ANKRD44: variants seen among roughly 807,000 people sequenced by gnomAD.
ANKRD44 encodes serine/threonine-protein phosphatase 6 regulatory ankyrin repeat subunit B.
ANKRD44 carries 35 observed loss-of-function variants against 116.0 expected under a neutral mutation model. The ratio of observed to expected loss-of-function variants is 0.30; its 90% confidence interval spans 0.23 to 0.40. ANKRD44 has a LOEUF of 0.40. ANKRD44 is among the 10% of genes least tolerant of loss of function. ANKRD44 has a pLI of 1.00. For missense variants in ANKRD44, 1,014 were observed against 1,242.6 expected (o/e 0.82, Z 2.77); for synonymous variants, 435 against 461.8 (o/e 0.94, Z 0.74).
At chr2:197,310,244 C>CGCGGT (rs1380806058) in intron 1 of ANKRD44, among the ~76,000 whole-genome samples, 6 of 151,176 alleles carry the variant, frequency 4.0e-5, no homozygotes, top group Admixed American at 6.6e-5. Flanking sequence ...CGCAACGCGG[C>CGCGGT]GCGGTGCGAG....
Position 197,186,612 on chromosome 2 carries a change from C to CTTTTTTTTTTTTTTTTT in ANKRD44, c.111+394_111+410dup, listed in dbSNP as rs149107038. ...CCATCACTATGCCCGGCTAATTTTT[C>CTTTTTTTTTTTTTTTTT]TTTTTTTTTTTTTTTTTTTTTTTTT... On this transcript the variant is annotated intron_variant, in intron 2 of 27. Coordinates refer to ENST00000282272, the MANE Select transcript of ANKRD44 (RefSeq NM_001195144.2). 8.7e-4 allele frequency among the ~76,000 whole-genome samples: 44 copies of CTTTTTTTTTTTTTTTTT among 50,806 alleles called. 5 individuals are homozygous for CTTTTTTTTTTTTTTTTT. The highest frequency in any genetic ancestry group is 1.6e-3 in the South Asian group (1 of 624). 33.3% of individuals were successfully genotyped at this position (50,806 alleles called of 152,430 possible). A position where few individuals can be genotyped will look rare whatever the true frequency, so the allele number is the denominator to read the frequency against.
intron 10 of ANKRD44, among the ~76,000 whole-genome samples, chr2:197,096,961 A>G (rs1008443040): frequency 3.9e-5 from 6 of 152,330 alleles, no homozygotes; most frequent in African/African-American, 1.4e-4. Flanking sequence ...ATCCCCAGAT[A>G]GTTGTGACAA....
intron 1 of ANKRD44, among the ~76,000 whole-genome samples, chr2:197,211,466 G>A (rs1368050047): frequency 6.6e-6 from 1 of 152,150 alleles, no homozygotes. Context: ...GAAGACAAGA[G>A]TGAACGTCTT....
intron 4 of ANKRD44, among the ~76,000 whole-genome samples, chr2:197,129,742 A>T (rs556404210): frequency 6.6e-6 from 1 of 152,332 alleles, no homozygotes; most frequent in South Asian, 2.1e-4. Flanking sequence ...TGGCACATGG[A>T]AAAGATGAGA....
At chr2:197,045,000 C>T (rs192974867) in intron 16 of ANKRD44, among the ~76,000 whole-genome samples, 47 of 152,004 alleles carry the variant, frequency 3.1e-4, no homozygotes, top group South Asian at 1.0e-3. Context: ...TAAATATTAA[C>T]GGTGGATTTT....
intron 1 of ANKRD44, among the ~76,000 whole-genome samples, chr2:197,301,720 A>G (rs924676017): frequency 1.3e-5 from 2 of 152,240 alleles, no homozygotes; most frequent in Admixed American, 6.5e-5. Context: ...TTTATATTCA[A>G]TCACTTAACA....
chr2:196,986,812 CAA>C lies in ANKRD44; in HGVS notation c.*2777_*2778del, dbSNP rs777492454. The C allele has an allele frequency of 5.9e-4, 586 of 985,400 alleles. No homozygotes were observed. Among genetic ancestry groups the C allele is most frequent in the Non-Finnish European group, 6.5e-4 (538 of 829,908 alleles). 61.0% of individuals were successfully genotyped at this position (985,400 alleles called of 1,614,324 possible). On this transcript the variant is annotated 3_prime_UTR_variant, in exon 28 of 28. Transcript: ENST00000282272. ...GTGCTTGAGAAGATTCAGATTGTTT[CAA>C]AGTCATTCACTGAACTAAAAGTCAT...
chr2:197,098,667 C>T (rs990122016), intron 10 of ANKRD44, among the ~76,000 whole-genome samples: 4 of 152,150 alleles, frequency 2.6e-5, no homozygotes, highest in Non-Finnish European at 5.9e-5. Flanking sequence ...GAGCTTTTAA[C>T]ATGCGTTATC....
intron 17 of ANKRD44, among the ~76,000 whole-genome samples, chr2:197,019,063 CTT>C (rs1308473854): frequency 6.6e-6 from 1 of 152,144 alleles, no homozygotes; most frequent in Non-Finnish European, 1.5e-5. Context: ...ACAAAATTCT[CTT>C]GTCTCTATGT....
At chr2:197,226,197 A>C (rs1190543823) in intron 1 of ANKRD44, among the ~76,000 whole-genome samples, 1 of 152,226 alleles carries the variant, frequency 6.6e-6, no homozygotes, top group Non-Finnish European at 1.5e-5. Context: ...TTTAAAATAG[A>C]ATGTTAGAAC....
At chr2:197,185,289 C>A (rs1006017472) in intron 2 of ANKRD44, among the ~76,000 whole-genome samples, 1 of 152,200 alleles carries the variant, frequency 6.6e-6, no homozygotes, top group Non-Finnish European at 1.5e-5. Context: ...GTGCTTAGTG[C>A]CAGCTGGGGA....
At chr2:197,279,430 G>A (rs550137070) in intron 1 of ANKRD44, among the ~76,000 whole-genome samples, 26 of 152,192 alleles carry the variant, frequency 1.7e-4, no homozygotes, top group Admixed American at 3.9e-4. Flanking sequence ...ATCAAAAGTC[G>A]TCATGGCTCC....
At chr2:197,214,739 C>T (rs1197076682) in intron 1 of ANKRD44, among the ~76,000 whole-genome samples, 2 of 152,188 alleles carry the variant, frequency 1.3e-5, no homozygotes, top group Non-Finnish European at 2.9e-5. Flanking sequence ...AATTAGAACA[C>T]AGAAGCCTGC....
At chr2:197,276,244 C>T (rs2083079089) in intron 1 of ANKRD44, among the ~76,000 whole-genome samples, 1 of 135,094 alleles carries the variant, frequency 7.4e-6, no homozygotes, top group Admixed American at 8.5e-5. Context: ...CACCGCACTC[C>T]AGCATGAGCA....
Position 196,989,501 on chromosome 2 carries a change from T to C in ANKRD44, c.*90A>G, listed in dbSNP as rs577297571. On this transcript the variant is annotated 3_prime_UTR_variant, in exon 28 of 28. Coordinates refer to ENST00000282272, the MANE Select transcript of ANKRD44 (RefSeq NM_001195144.2). ...ATTTTGGTCCTCATGTGTAGCTGGC[T>C]GATGAACTACACACACACACACATA... The C allele has an allele frequency of 1.4e-4, 194 of 1,370,492 alleles. No individual in the cohort carries two copies. In the East Asian group the frequency reaches 4.2e-3, roughly 30 times the overall value. The allele number at this position is 1,370,492 out of a possible 1,614,324, so 84.9% of individuals were successfully genotyped here.
rs1198452671 is a variant in ANKRD44, at chr2:197,219,668, G to A, written c.28-32562C>T. ...GACGGGACCCCAATGAAAGGTTCCC[G>A]AGGACAATCATGGTCTGCAAAGTGC... On this transcript the variant is annotated intron_variant, in intron 1 of 27. Coordinates refer to ENST00000282272, the MANE Select transcript of ANKRD44 (RefSeq NM_001195144.2). Among the ~76,000 whole-genome samples, 8 of 152,294 alleles carry A rather than the reference G, an allele frequency of 5.3e-5. No individual in the cohort carries two copies. In the South Asian group the frequency reaches 1.0e-3, roughly 20 times the overall value.
rs369863185 is a variant in ANKRD44 at position 197,212,818 on chromosome 2, C to T, written c.28-25712G>A. On this transcript the variant is annotated intron_variant, in intron 1 of 27. Transcript: ENST00000282272. This position sits in a 1 kb window ranked among gnomAD's most constrained non-coding sequence, Gnocchi z 4.8. ...CAAACACACACTTCAATCAGGAACT[C>T]GGTGATCACATGCCCACGGTGAGAG... is the stretch of plus-strand genomic sequence containing the variant. Among the ~76,000 whole-genome samples the T allele has an allele frequency of 4.6e-5, 7 of 152,252 alleles. No individual in the cohort carries two copies. Among genetic ancestry groups the T allele is most frequent in the East Asian group, 3.9e-4 (2 of 5,174 alleles).
chr2:197,038,544 AGG>A (rs2076849512), intron 16 of ANKRD44, among the ~76,000 whole-genome samples: 1 of 152,192 alleles, frequency 6.6e-6, no homozygotes, highest in South Asian at 2.1e-4. Context: ...TCTACATTTC[AGG>A]GGTCATAAGG....
chr2:197,229,058 C>T (rs1380588597), intron 1 of ANKRD44, among the ~76,000 whole-genome samples: 3 of 152,186 alleles, frequency 2.0e-5, no homozygotes, highest in Non-Finnish European at 4.4e-5. Context: ...AGAGCTGTTA[C>T]CTGAAATGTG....
Sources: allele counts gnomAD v4.1 joint callset (sites outside exome capture counted in the v4.1 genomes callset), GRCh38; gene constraint gnomAD v4.1.1; non-coding constraint Gnocchi (gnomAD v3.1); transcripts MANE v1.5; gene names NCBI Gene and HGNC (gene_info 2026-07-23, HGNC 2026-07-21).